SHOC2: variants seen among roughly 807,000 people sequenced by gnomAD.
SHOC2 encodes SHOC2 leucine rich repeat scaffold protein.
SHOC2 carries 4 observed loss-of-function variants against 50.2 expected under a neutral mutation model. That is an observed-to-expected ratio of 0.08 (90% CI 0.04 to 0.18). The LOEUF (loss-of-function observed/expected upper bound fraction) is 0.18, where lower values mean the gene tolerates loss of function less well. Among genes scored for constraint, SHOC2 ranks in the 10% least tolerant of loss-of-function variants. SHOC2 has a pLI of 1.00. For synonymous variants in SHOC2, 218 were observed against 244.5 expected (o/e 0.89, Z 1.01); for missense variants, 388 against 669.6 (o/e 0.58, Z 4.64).
intron 2 of SHOC2, among the ~76,000 whole-genome samples, chr10:110,969,478 A>G (rs1002826666): frequency 3.9e-5 from 6 of 152,160 alleles, no homozygotes; most frequent in Admixed American, 6.5e-5. Context: ...TAACGAATCT[A>G]TTTATTCAGG....
chr10:110,969,023 T>C (rs1297685723), intron 2 of SHOC2, among the ~76,000 whole-genome samples: 1 of 152,132 alleles, frequency 6.6e-6, no homozygotes, highest in African/African-American at 2.4e-5. Flanking sequence ...TGGGTAAAGA[T>C]TGGCAGAAAA....
chr10:110,978,147 G>C (rs967794893), intron 2 of SHOC2, among the ~76,000 whole-genome samples: 1 of 152,174 alleles, frequency 6.6e-6, no homozygotes, highest in African/African-American at 2.4e-5. Flanking sequence ...GCAGTAACCT[G>C]GGGCAATCAT....
At chr10:110,922,037 C>G (rs1564698834) in intron 1 of SHOC2, among the ~76,000 whole-genome samples, 1 of 151,902 alleles carries the variant, frequency 6.6e-6, no homozygotes, top group East Asian at 1.9e-4. Context: ...GTAGTTGTAG[C>G]AAGTAAAAGG....
At chr10:110,977,106 T>G (rs1847891876) in intron 2 of SHOC2, among the ~76,000 whole-genome samples, 2 of 152,176 alleles carry the variant, frequency 1.3e-5, no homozygotes, top group African/African-American at 4.8e-5. Flanking sequence ...TTATTCAAGT[T>G]TTCTTTACCT....
At chr10:110,983,499 T>C (rs777534084) in intron 2 of SHOC2, among the ~76,000 whole-genome samples, 1 of 152,152 alleles carries the variant, frequency 6.6e-6, no homozygotes, top group Non-Finnish European at 1.5e-5. Context: ...TCCCATAAGT[T>C]TTTTTATTAT....
In SHOC2 at chr10:110,931,391, C is replaced by T. The variant is rs531304294; in HGVS notation, c.-235+11734C>T. Among the ~76,000 whole-genome samples the T allele has an allele frequency of 2.0e-4, 30 of 152,236 alleles. No homozygotes were observed. In the South Asian group the frequency reaches 6.2e-3, roughly 32 times the overall value. ...AGCATGTTAATTGTGGGTGTTTTCT[C>T]ATTCTTTGGACCAATCTTTTGGTCT... On this transcript the variant is annotated intron_variant, in intron 1 of 8. Coordinates refer to ENST00000369452, the MANE Select transcript of SHOC2 (RefSeq NM_007373.4).
At chr10:110,982,338 C>T (rs1487314184) in intron 2 of SHOC2, among the ~76,000 whole-genome samples, 2 of 151,260 alleles carry the variant, frequency 1.3e-5, no homozygotes, top group Non-Finnish European at 3.0e-5. Context: ...GTCTTTATAG[C>T]AGCATGATTT....
intron 1 of SHOC2, among the ~76,000 whole-genome samples, chr10:110,939,584 A>G (rs945393533): frequency 6.6e-6 from 1 of 152,096 alleles, no homozygotes; most frequent in Non-Finnish European, 1.5e-5. Context: ...CATCCATATG[A>G]TGTTAGATTG....
Position 110,967,871 on chromosome 10 carries a change from A to G in SHOC2, c.703+2810A>G, listed in dbSNP as rs116257824. Among the ~76,000 whole-genome samples, 387 of 152,258 alleles carry G rather than the reference A, an allele frequency of 2.5e-3. 1 individual carries two copies. The highest frequency in any genetic ancestry group is 9.0e-3 in the African/African-American group (374 of 41,524). ...ACCACATTTTATTTATGCATTTATCAGTTGTCAGACATTTGGGTTGTTTTT... is the reference window on the plus strand; with the variant it reads ...ACCACATTTTATTTATGCATTTATCGGTTGTCAGACATTTGGGTTGTTTTT... On this transcript the variant is annotated intron_variant, in intron 2 of 8. Transcript: ENST00000369452.
At chr10:110,975,079 ATAAAC>A (rs1217442984) in intron 2 of SHOC2, among the ~76,000 whole-genome samples, 1 of 152,176 alleles carries the variant, frequency 6.6e-6, no homozygotes, top group Non-Finnish European at 1.5e-5. Flanking sequence ...ATACAATACA[ATAAAC>A]TAAACTACAA....
At chr10:111,009,478 T>C in intron 7 of SHOC2, 93 bp downstream of exon 7, 1 of 1,156,304 alleles carries the variant, frequency 8.6e-7, no homozygotes, top group Non-Finnish European at 1.3e-6. Flanking sequence ...AATTCTTGGA[T>C]CAGATAGACT....
At chr10:110,926,412 A>C (rs1258103042) in intron 1 of SHOC2, among the ~76,000 whole-genome samples, 1 of 152,136 alleles carries the variant, frequency 6.6e-6, no homozygotes, top group Admixed American at 6.5e-5. Context: ...TTAAACACAC[A>C]TTTTCTGTTT....
intron 5 of SHOC2, among the ~76,000 whole-genome samples, chr10:111,006,440 G>A (rs1156300203): frequency 4.6e-5 from 7 of 151,888 alleles, no homozygotes; most frequent in Admixed American, 1.3e-4. Flanking sequence ...GCGGGATCTC[G>A]GCTCACTGCA....
chr10:110,996,972 A>G (rs1848279813), intron 3 of SHOC2, among the ~76,000 whole-genome samples: 1 of 152,226 alleles, frequency 6.6e-6, no homozygotes, highest in Admixed American at 6.5e-5. Context: ...CATAGAGTTA[A>G]GTGAGTTAAG....
At chr10:110,936,950 C>T (rs1847032615) in intron 1 of SHOC2, 3 of 1,439,052 alleles carry the variant, frequency 2.1e-6, no homozygotes, top group Admixed American at 1.7e-5. Context: ...AGCGGCCTGG[C>T]CTCGCTTGGT....
At chr10:110,979,709 C>T (rs1469676720) in intron 2 of SHOC2, among the ~76,000 whole-genome samples, 1 of 152,160 alleles carries the variant, frequency 6.6e-6, no homozygotes, top group Non-Finnish European at 1.5e-5. Context: ...TCATCTTTTT[C>T]CCCCATAGTT....
At chr10:111,002,393 A>G (rs1190588014) in intron 4 of SHOC2, among the ~76,000 whole-genome samples, 1 of 152,238 alleles carries the variant, frequency 6.6e-6, no homozygotes, top group African/African-American at 2.4e-5. Context: ...CAATAAGGGC[A>G]TATTAAATAG....
intron 3 of SHOC2, among the ~76,000 whole-genome samples, chr10:110,994,224 G>A (rs571811699): frequency 1.6e-4 from 25 of 152,258 alleles, no homozygotes; most frequent in African/African-American, 5.5e-4. Flanking sequence ...ACTACTTGGA[G>A]GAAAATGTTC....
At chr10:111,008,489 C>T (rs560491158) in intron 6 of SHOC2, among the ~76,000 whole-genome samples, 1 of 151,842 alleles carries the variant, frequency 6.6e-6, no homozygotes, top group Non-Finnish European at 1.5e-5. Flanking sequence ...GTTTCTTAAG[C>T]TGTGAAATGG....
Sources: gnomAD v4.1 joint callset for allele counts (sites outside exome capture counted in the v4.1 genomes callset) on GRCh38, gnomAD v4.1.1 for gene constraint, MANE v1.5 for transcripts, NCBI Gene and HGNC (gene_info 2026-07-23, HGNC 2026-07-21) for gene names.